The following ADGRD2 variants were observed in gnomAD, a reference collection of about 807,000 sequenced individuals.
ADGRD2 encodes adhesion G protein-coupled receptor D2, also known as G protein-coupled receptor PGR24.
ADGRD2 carries 71 observed loss-of-function variants against 44.4 expected under a neutral mutation model. The ratio of observed to expected loss-of-function variants is 1.60; its 90% CI spans 1.32 to 1.95. The LOEUF (loss-of-function observed/expected upper bound fraction) is 1.95, where lower values mean the gene tolerates loss of function less well. Among genes scored for constraint, ADGRD2 ranks in the 30% most tolerant of loss-of-function variants. The pLI is 0.00. For synonymous variants in ADGRD2, 481 were observed against 224.8 expected (o/e 2.14, Z -10.19); for missense variants, 1,039 against 512.4 (o/e 2.03, Z -9.92).
chr9:124,476,316 T>C, intron 19 of ADGRD2, 41 bp from the exon 23 acceptor site: 1 of 678,286 alleles, frequency 1.5e-6, no homozygotes, highest in Non-Finnish European at 2.7e-6. Flanking sequence ...AGAGAGGGCT[T>C]CCTGCCTTCG....
At chr9:124,453,137 C>T in exon 3 of ADGRD2, 1 of 701,886 alleles carries the variant, frequency 1.4e-6, no homozygotes. Flanking sequence ...ACCGCGTGTA[C>T]TCACGTGCAG....
chr9:124,473,280 T>A (rs111377457), intron 17 of ADGRD2, among the ~76,000 whole-genome samples: 2,560 of 152,320 alleles, frequency 0.017, 59 homozygotes, highest in African/African-American at 0.058. Flanking sequence ...TAGGAGTAAT[T>A]TGTGTCCTTC....
intron 11 of ADGRD2, 69 bp downstream of exon 14, chr9:124,466,482 A>T (rs1188941364): frequency 8.3e-6 from 5 of 603,298 alleles, no homozygotes; most frequent in Non-Finnish European, 1.2e-5. Context: ...AAGAGCCAAT[A>T]GGTAGCCAGA....
intron 17 of ADGRD2, among the ~76,000 whole-genome samples, chr9:124,474,372 G>A (rs779742355): frequency 6.6e-6 from 1 of 152,000 alleles, no homozygotes; most frequent in East Asian, 1.9e-4. Flanking sequence ...TCTTGGGTTC[G>A]CATTTGGAAA....
intron 17 of ADGRD2, 93 bp from the exon 21 acceptor site, chr9:124,475,353 C>A (rs146367978): frequency 2.3e-5 from 15 of 655,586 alleles, no homozygotes; most frequent in Admixed American, 9.5e-5. Flanking sequence ...AGTGTCTCTG[C>A]CACTGGGAGG....
intron 12 of ADGRD2, 50 bp from the exon 16 acceptor site, chr9:124,468,038 T>C: frequency 1.4e-6 from 1 of 718,124 alleles, no homozygotes; most frequent in South Asian, 1.5e-5. Flanking sequence ...CTACGGGGTG[T>C]GGGGACCAGC....
At chr9:124,456,633 G>A (rs571148661) in exon 7 of ADGRD2, 4 of 718,004 alleles carry the variant, frequency 5.6e-6, no homozygotes, top group South Asian at 4.4e-5. Context: ...TGATTGGTGG[G>A]CCTATGGCCC....
chr9:124,469,466 T>C (rs1309737007), exon 16 of ADGRD2: 1 of 717,986 alleles, frequency 1.4e-6, no homozygotes, highest in African/African-American at 1.7e-5. Context: ...GTGGTAATGA[T>C]CACCGTGTCC....
intron 16 of ADGRD2, 84 bp from the exon 20 acceptor site, chr9:124,470,410 C>G (rs1040493044): frequency 1.5e-6 from 1 of 647,328 alleles, no homozygotes; most frequent in African/African-American, 1.8e-5. Context: ...GCTCCAGGCA[C>G]GTACAGGTGC....
intron 17 of ADGRD2, among the ~76,000 whole-genome samples, chr9:124,471,511 GCCC>G (rs1334023796): frequency 6.6e-6 from 1 of 152,170 alleles, no homozygotes; most frequent in African/African-American, 2.4e-5. Context: ...CTCCCTCTGA[GCCC>G]CAGGCCAGGC....
chr9:124,453,129 C>A (rs1292760020), exon 3 of ADGRD2: 2 of 701,752 alleles, frequency 2.9e-6, no homozygotes, highest in African/African-American at 1.7e-5. Context: ...CAGCGCTGAC[C>A]GCGTGTACTC....
chr9:124,454,453 G>C lies in ADGRD2; in HGVS notation c.1023-31G>C, dbSNP rs530528120. ...GCATCTCTGGGCAGGGGTATTGCCC[G>C]GGGCCTAGCCTGGCATCCACTCCTT... On this transcript the variant is annotated intron_variant, in intron 4 of 21. Transcript: ENST00000334810. This position sits in a 1 kb window ranked among gnomAD's most constrained non-coding sequence, Gnocchi z 4.5. 5.7e-6 allele frequency: 4 copies of C among 698,112 alleles called. No individual in the cohort carries two copies. The African/African-American group carries it at 7.0e-5, about 12-fold the overall frequency. The allele number at this position is 698,112 out of a possible 1,614,324, so 43.2% of individuals were successfully genotyped here. A position where few individuals can be genotyped will look rare whatever the true frequency, so the allele number is the denominator to read the frequency against.
intron 12 of ADGRD2, 21 bp from the exon 16 acceptor site, chr9:124,468,067 T>C (rs1366498685): frequency 4.2e-6 from 3 of 718,356 alleles, no homozygotes; most frequent in Non-Finnish European, 7.8e-6. Flanking sequence ...TCTTGTTAAC[T>C]GACTCCTCTG....
intron 17 of ADGRD2, 116 bp downstream of exon 20, chr9:124,470,730 C>T (rs1351967376): frequency 1.8e-5 from 11 of 594,724 alleles, no homozygotes; most frequent in South Asian, 4.0e-5. Flanking sequence ...AGACATTCAA[C>T]AGCAACTGGG....
rs1206979897 is a variant in ADGRD2, at chr9:124,453,409, GGCGCCGGCCAC to G, written c.657_667del (p.Gly220AlafsTer101). ...GCGGCGCGCTGGGGCGCGGGGGCTG[GGCGCCGGCCAC>G]CCGGTGCCGTCCGGCGGCATCCTGG... On this transcript the variant is annotated frameshift_variant, in exon 3 of 22. Transcript: ENST00000334810. LOFTEE classifies it high-confidence loss of function. The G allele has an allele frequency of 3.3e-6, 2 of 609,378 alleles. No homozygotes were observed. The highest frequency in any genetic ancestry group is 6.6e-5 in the East Asian group (2 of 30,164). 37.7% of individuals were successfully genotyped at this position (609,378 alleles called of 1,614,324 possible). A position where few individuals can be genotyped will look rare whatever the true frequency, so the allele number is the denominator to read the frequency against.
chr9:124,451,168 G>GA (rs757013569), upstream of ADGRD2: 75 of 472,346 alleles, frequency 1.6e-4, no homozygotes, highest in African/African-American at 1.3e-3. Flanking sequence ...GGGAGCAGGG[G>GA]AAAGGTGGCT....
intron 6 of ADGRD2, among the ~76,000 whole-genome samples, chr9:124,455,868 C>T (rs577679563): frequency 1.3e-5 from 2 of 152,244 alleles, no homozygotes; most frequent in Non-Finnish European, 2.9e-5. Context: ...AGGGAGGGAA[C>T]GAGAATCATG....
exon 15 of ADGRD2, chr9:124,469,314 G>A (rs1158935751): frequency 8.4e-6 from 6 of 718,150 alleles, no homozygotes; most frequent in Admixed American, 8.0e-5. Context: ...GCACACAAAT[G>A]CCATCTGGGC....
At chr9:124,464,568 C>T (rs1831779276) in intron 10 of ADGRD2, among the ~76,000 whole-genome samples, 1 of 152,220 alleles carries the variant, frequency 6.6e-6, no homozygotes, top group African/African-American at 2.4e-5. Flanking sequence ...TCATTACCAT[C>T]ACCCTCCCCA....
Sources: allele counts gnomAD v4.1 joint callset (sites outside exome capture counted in the v4.1 genomes callset), GRCh38; gene constraint gnomAD v4.1.1; non-coding constraint Gnocchi (gnomAD v3.1); transcripts MANE v1.5; gene names NCBI Gene and HGNC (gene_info 2026-07-23, HGNC 2026-07-21).